GRAMD1B: variants seen among roughly 807,000 people sequenced by gnomAD.
GRAMD1B encodes protein Aster-B.
A neutral mutation model predicts 99.7 loss-of-function variants in GRAMD1B; 37 were observed. The ratio of observed to expected loss-of-function variants is 0.37; its 90% confidence interval spans 0.29 to 0.49. The LOEUF (loss-of-function observed/expected upper bound fraction) is 0.49, where lower values mean the gene tolerates loss of function less well. Ranked by LOEUF, GRAMD1B falls within the 20% of genes least tolerant of loss-of-function variation. The pLI, the probability that GRAMD1B is intolerant of heterozygous loss-of-function variation, is 0.98. For synonymous variants in GRAMD1B, 427 were observed against 387.6 expected (o/e 1.10, Z -1.19); for missense variants, 888 against 1,009.2 (o/e 0.88, Z 1.63).
At chr11:123,450,272 T>C (rs978034621) in intron 1 of GRAMD1B, among the ~76,000 whole-genome samples, 4 of 152,194 alleles carry the variant, frequency 2.6e-5, no homozygotes, top group African/African-American at 4.8e-5. Context: ...GCCATGGTAA[T>C]GCAATACTTT....
chr11:123,467,908 A>G (rs923955792), intron 1 of GRAMD1B, among the ~76,000 whole-genome samples: 1 of 144,772 alleles, frequency 6.9e-6, no homozygotes, highest in Non-Finnish European at 1.5e-5. Flanking sequence ...TCTGTCGCCA[A>G]GCTGGAGTGA....
intron 1 of GRAMD1B, among the ~76,000 whole-genome samples, chr11:123,446,715 A>T (rs1159790033): frequency 6.6e-6 from 1 of 152,120 alleles, no homozygotes; most frequent in Non-Finnish European, 1.5e-5. Flanking sequence ...CTCACGATTC[A>T]TCAGACACTT....
At chr11:123,520,672 A>G (rs1942113552) in intron 2 of GRAMD1B, among the ~76,000 whole-genome samples, 1 of 151,010 alleles carries the variant, frequency 6.6e-6, no homozygotes, top group Non-Finnish European at 1.5e-5. Flanking sequence ...CCAGCTATTC[A>G]GGAAGCTGAG....
chr11:123,601,223 A>T (rs1951916504), intron 8 of GRAMD1B, among the ~76,000 whole-genome samples: 1 of 152,134 alleles, frequency 6.6e-6, no homozygotes, highest in Non-Finnish European at 1.5e-5. Flanking sequence ...AGATGCCACA[A>T]CTTAAAGTAC....
chr11:123,603,251 A>G (rs1185266505), intron 8 of GRAMD1B, among the ~76,000 whole-genome samples, 175 bp from the exon 9 acceptor site: 1 of 152,204 alleles, frequency 6.6e-6, no homozygotes, highest in African/African-American at 2.4e-5. Context: ...TAGGCAGAAG[A>G]CTGGTGTCCT....
intron 2 of GRAMD1B, among the ~76,000 whole-genome samples, chr11:123,513,005 G>C (rs1308940915): frequency 6.6e-6 from 1 of 152,124 alleles, no homozygotes; most frequent in Non-Finnish European, 1.5e-5. Flanking sequence ...CAAAGCCCAG[G>C]TACAAGAGGA....
chr11:123,503,568 A>G (rs2846296), intron 2 of GRAMD1B, among the ~76,000 whole-genome samples: 77,046 of 148,122 alleles, frequency 0.52, 20,462 homozygotes, highest in Non-Finnish European at 0.57. Context: ...TTTTTTTGTG[A>G]TGGAGTTTCA....
chr11:123,565,204 T>A (rs1424398098), intron 2 of GRAMD1B, among the ~76,000 whole-genome samples: 1 of 135,872 alleles, frequency 7.4e-6, no homozygotes, highest in Non-Finnish European at 1.6e-5. Context: ...GGCTAATTCT[T>A]TTTTTTTTTT....
chr11:123,407,655 C>T (rs564083699), intron 1 of GRAMD1B, among the ~76,000 whole-genome samples: 1 of 152,182 alleles, frequency 6.6e-6, no homozygotes, highest in East Asian at 1.9e-4. Context: ...AGTTTCATGA[C>T]CTTTTCAGAG....
chr11:123,605,243 G>A, intron 9 of GRAMD1B, 79 bp from the exon 10 acceptor site: 3 of 1,006,226 alleles, frequency 3.0e-6, no homozygotes, highest in South Asian at 2.0e-5. Flanking sequence ...TGGATGGATA[G>A]AAAGGTCTGA....
At chr11:123,448,362 C>T (rs202224899) in intron 1 of GRAMD1B, among the ~76,000 whole-genome samples, 3 of 151,766 alleles carry the variant, frequency 2.0e-5, no homozygotes, top group Admixed American at 6.6e-5. Context: ...AAGCGATTCT[C>T]GTGTGTGCCA....
chr11:123,548,317 T>TACACACACACACACAC (rs1298307128), intron 2 of GRAMD1B, among the ~76,000 whole-genome samples: 1 of 96,922 alleles, frequency 1.0e-5, no homozygotes, highest in Non-Finnish European at 2.0e-5. Context: ...TATATATATA[T>TACACACACACACACAC]ATATATATAC....
intron 2 of GRAMD1B, among the ~76,000 whole-genome samples, chr11:123,572,457 A>G (rs1948213355): frequency 6.6e-6 from 1 of 152,238 alleles, no homozygotes; most frequent in Admixed American, 6.5e-5. Flanking sequence ...TTGTTTGCTC[A>G]GCAGGACATC....
intron 2 of GRAMD1B, among the ~76,000 whole-genome samples, chr11:123,562,768 A>C (rs535047042): frequency 1.3e-5 from 2 of 152,274 alleles, no homozygotes; most frequent in South Asian, 2.1e-4. Context: ...CATTGGGGGA[A>C]GTGGTGGGGG....
chr11:123,513,533 TC>T, intron 2 of GRAMD1B, among the ~76,000 whole-genome samples: 1 of 148,474 alleles, frequency 6.7e-6, no homozygotes, highest in Middle Eastern at 3.4e-3. Context: ...CTTCCTTCCT[TC>T]CTTCCTTCCT....
intron 2 of GRAMD1B, among the ~76,000 whole-genome samples, chr11:123,507,066 A>AC (rs1468828508): frequency 6.6e-6 from 1 of 152,126 alleles, no homozygotes; most frequent in African/African-American, 2.4e-5. Flanking sequence ...GACTGGGTGG[A>AC]CCCCCATTAA....
chr11:123,514,726 A>G (rs1941507878), intron 2 of GRAMD1B, among the ~76,000 whole-genome samples: 1 of 152,222 alleles, frequency 6.6e-6, no homozygotes, highest in Non-Finnish European at 1.5e-5. Flanking sequence ...CGAACAGCTG[A>G]AGGACTTCGA....
At chr11:123,543,464 A>G (rs1340649487) in intron 2 of GRAMD1B, among the ~76,000 whole-genome samples, 1 of 152,148 alleles carries the variant, frequency 6.6e-6, no homozygotes, top group Non-Finnish European at 1.5e-5. Context: ...TGGCCATTCA[A>G]CCCTCACTAA....
chr11:123,598,690 A>C, intron 7 of GRAMD1B: 3 of 1,013,088 alleles, frequency 3.0e-6, no homozygotes, highest in South Asian at 2.5e-5. Context: ...AGAGAGGCCA[A>C]CTCCTCCCAG....
Sources: gnomAD v4.1 joint callset for allele counts (sites outside exome capture counted in the v4.1 genomes callset) on GRCh38, gnomAD v4.1.1 for gene constraint, MANE v1.5 for transcripts, NCBI Gene and HGNC (gene_info 2026-07-23, HGNC 2026-07-21) for gene names.